The following TENT4A variants were observed in gnomAD, a reference collection of about 807,000 sequenced individuals.
TENT4A encodes the protein terminal nucleotidyltransferase 4A, also known as DNA polymerase kappa.
Under a neutral mutation model 72.8 loss-of-function variants are expected in TENT4A, and 7 were observed. The observed-to-expected ratio is 0.10, with a 90% CI of 0.05 to 0.18. The LOEUF is 0.18. Ranked by LOEUF, TENT4A falls within the 10% of genes least tolerant of loss-of-function variation. The probability of loss-of-function intolerance (pLI) is 1.00; values close to 1 mark genes in which losing one functional copy is unlikely to be tolerated. For synonymous variants in TENT4A, 456 were observed against 434.3 expected (o/e 1.05, Z -0.62); for missense variants, 831 against 1,017.7 (o/e 0.82, Z 2.50).
At chr5:6,742,279 A>G (rs1741844664) in intron 4 of TENT4A, among the ~76,000 whole-genome samples, 1 of 152,076 alleles carries the variant, frequency 6.6e-6, no homozygotes, top group Non-Finnish European at 1.5e-5. Context: ...CCAGGGCTAC[A>G]GGGGCTGGGC....
chr5:6,716,025 A>G (rs1301949299), intron 1 of TENT4A, among the ~76,000 whole-genome samples: 5 of 152,130 alleles, frequency 3.3e-5, no homozygotes, highest in Non-Finnish European at 7.4e-5. Context: ...CTGTTATGTA[A>G]CTGGAATGGA....
chr5:6,729,585 T>C (rs944309693), intron 1 of TENT4A, among the ~76,000 whole-genome samples: 1 of 152,230 alleles, frequency 6.6e-6, no homozygotes, highest in Non-Finnish European at 1.5e-5. Flanking sequence ...TGCCCTGCGG[T>C]AGTCAGCAGT....
At chr5:6,752,339 T>C (rs934944805) in intron 11 of TENT4A, among the ~76,000 whole-genome samples, 2 of 152,240 alleles carry the variant, frequency 1.3e-5, no homozygotes, top group Non-Finnish European at 2.9e-5. Flanking sequence ...TTGGGGTAAA[T>C]GCACGGGATG....
rs1259479172 is a variant in TENT4A, at chr5:6,750,417, C to T, written c.1774C>T (p.Arg592Cys). 2.5e-6 allele frequency: 4 copies of T among 1,613,224 alleles called. No homozygotes were observed. Among genetic ancestry groups the T allele is most frequent in the African/African-American group, 1.3e-5 (1 of 74,832 alleles). Residue 592 changes from arginine (R) to cysteine (C), a missense_variant, in exon 10 of 13, where the codon CGC becomes TGC. Arg to Cys is a radical substitution (Grantham distance 180). Transcript: ENST00000230859. ...NREPESPYGQRLTLSLSSPQL... is the reference protein window; with the variant it reads ...NREPESPYGQCLTLSLSSPQL... ...AGAGCCCGAGTCTCCCTATGGCCAG[C>T]GCTTGACTTTGTCGCTGTCCAGCCC...
At chr5:6,735,557 A>G (rs1287107021) in intron 1 of TENT4A, among the ~76,000 whole-genome samples, 1 of 152,170 alleles carries the variant, frequency 6.6e-6, no homozygotes, top group African/African-American at 2.4e-5. Context: ...TTTAGGTAAC[A>G]CCTCAGACTT....
At chr5:6,735,830 G>C (rs1449694878) in intron 1 of TENT4A, among the ~76,000 whole-genome samples, 1 of 150,408 alleles carries the variant, frequency 6.6e-6, no homozygotes, top group Non-Finnish European at 1.5e-5. Context: ...GTGCAATCTC[G>C]GCCCACTGCA....
chr5:6,746,030 T>A, intron 6 of TENT4A, 184 bp from the exon 7 acceptor site: 1 of 1,450,196 alleles, frequency 6.9e-7, no homozygotes, highest in African/African-American at 1.4e-5. Flanking sequence ...TCCGTTGTGT[T>A]CCTTTTGAAC....
chr5:6,735,068 G>A (rs1741407185), intron 1 of TENT4A, among the ~76,000 whole-genome samples: 1 of 152,198 alleles, frequency 6.6e-6, no homozygotes, highest in African/African-American at 2.4e-5. Flanking sequence ...AAAGTTGACA[G>A]TACATTCTAC....
At position 6,746,417 on chromosome 5, in the gene TENT4A, C is replaced by T; in HGVS notation, c.1449C>T (p.Pro483=). ...YRPSMLCIED[P]LLPGNDVGRS... Reference sequence around the variant, plus strand: ...CGTCGATGCTGTGCATTGAGGACCCCCTGCTGCCAGGTAAGGGCGCCCTGA... The same window carrying T: ...CGTCGATGCTGTGCATTGAGGACCCTCTGCTGCCAGGTAAGGGCGCCCTGA... Residue 483 remains proline (P), a synonymous_variant, in exon 7 of 13, where the codon CCC becomes CCT. Coordinates refer to ENST00000230859, the MANE Select transcript of TENT4A (RefSeq NM_006999.6). 1 of 1,614,032 alleles carries T rather than the reference C, an allele frequency of 6.2e-7. No homozygotes were observed. The highest frequency in any genetic ancestry group is 1.7e-4 in the Middle Eastern group (1 of 6,060).
At chr5:6,748,351 G>A in intron 7 of TENT4A, 113 bp from the exon 8 acceptor site, 1 of 1,405,098 alleles carries the variant, frequency 7.1e-7, no homozygotes, top group Non-Finnish European at 9.9e-7. Flanking sequence ...GGTAGGGTCT[G>A]GAAGAGTTTC....
rs772576661 is a variant in TENT4A, at chr5:6,751,165, T to C, written c.1987T>C (p.Ser663Pro). The change falls in exon 11 of 13, where the codon TCC becomes CCC. Residue 663 changes from serine to proline, a missense_variant. Around this residue, in one of 3 missense-constraint regions of TENT4A, gnomAD observed 332 missense variants for 324.3 expected, o/e 1.02. Transcript: ENST00000230859. ...CAGTGGCAAACCTCAGCCCACCACT[T>C]CCAGAACACTGATCATGACAACCAA... ...MPSGKPQPTT[S>P]RTLIMTTNNQ... 1.9e-6 allele frequency: 3 copies of C among 1,614,114 alleles called. No individual in the cohort carries two copies. Among genetic ancestry groups the C allele is most frequent in the Admixed American group, 3.3e-5 (2 of 60,010 alleles).
intron 12 of TENT4A, 24 bp from the exon 13 acceptor site, chr5:6,754,727 A>G (rs1193232410): frequency 1.3e-6 from 2 of 1,545,482 alleles, no homozygotes; most frequent in African/African-American, 2.7e-5. Context: ...TGGCTCCAAC[A>G]CTGCTGTCTC....
chr5:6,715,639 G>T (rs1277158289), intron 1 of TENT4A, among the ~76,000 whole-genome samples: 1 of 152,244 alleles, frequency 6.6e-6, no homozygotes, highest in Non-Finnish European at 1.5e-5. Context: ...GTTGTTGCAT[G>T]CAGTAGAGTC....
chr5:6,746,557 T>C (rs1742111702), intron 7 of TENT4A, 130 bp downstream of exon 7: 5 of 694,946 alleles, frequency 7.2e-6, no homozygotes, highest in Non-Finnish European at 1.2e-5. Flanking sequence ...TCTCTTATAC[T>C]AACCAGTTAA....
chr5:6,737,017 T>TA (rs1741543123), intron 1 of TENT4A, among the ~76,000 whole-genome samples: 1 of 152,250 alleles, frequency 6.6e-6, no homozygotes, highest in African/African-American at 2.4e-5. Flanking sequence ...TGAGGACTCA[T>TA]ACGTCTTTTT....
intron 1 of TENT4A, among the ~76,000 whole-genome samples, chr5:6,735,146 G>A (rs1741415621): frequency 6.6e-6 from 1 of 152,206 alleles, no homozygotes; most frequent in Non-Finnish European, 1.5e-5. Flanking sequence ...ATGCTTTAAT[G>A]AGTTAAATCT....
chr5:6,750,627 G>T (rs1168828027), intron 10 of TENT4A, 124 bp downstream of exon 10: 15 of 903,464 alleles, frequency 1.7e-5, no homozygotes, highest in Non-Finnish European at 2.3e-5. Flanking sequence ...GTATGTGTGT[G>T]GAGGTGGGTG....
At position 6,714,118 on chromosome 5, in the gene TENT4A, G is replaced by A. The variant is rs1369440699; in HGVS notation, c.135G>A (p.Ser45=). The part of the protein sequence containing the change: ...SGFASYFCLN[S]PALDTAAAAG... ...TCGCGTCCTATTTCTGCCTCAACTC[G>A]CCGGCGCTGGACACGGCGGCCGCGG... Residue 45 remains serine, a synonymous_variant, in exon 1 of 13, where the codon TCG becomes TCA. Coordinates refer to ENST00000230859, the MANE Select transcript of TENT4A (RefSeq NM_006999.6). 6.1e-6 allele frequency: 6 copies of A among 980,712 alleles called. No individual in the cohort carries two copies. The East Asian group carries it at 3.4e-4, about 56-fold the overall frequency. 60.8% of individuals were successfully genotyped at this position (980,712 alleles called of 1,614,324 possible). A position where few individuals can be genotyped will look rare whatever the true frequency, so the allele number is the denominator to read the frequency against.
chr5:6,751,496 G>A (rs546629909), intron 11 of TENT4A: 292 of 339,086 alleles, frequency 8.6e-4, no homozygotes, highest in Non-Finnish European at 1.3e-3. Context: ...TGCTGTCGAG[G>A]GTCATCTTGA....
Sources: allele counts gnomAD v4.1 joint callset (sites outside exome capture counted in the v4.1 genomes callset), GRCh38; gene constraint gnomAD v4.1.1; regional missense constraint gnomAD v4.1.1; transcripts MANE v1.5; gene names NCBI Gene and HGNC (gene_info 2026-07-23, HGNC 2026-07-21).